The following C13orf42 variants were observed in gnomAD, a reference collection of about 807,000 sequenced individuals.
C13orf42 encodes the protein chromosome 13 open reading frame 42, also known as uncharacterized protein C13orf42.
intron 1 of C13orf42, among the ~76,000 whole-genome samples, chr13:51,106,786 C>T (rs1394945946): frequency 6.6e-6 from 1 of 152,300 alleles, no homozygotes; most frequent in South Asian, 2.1e-4. Context: ...TGACAAGACA[C>T]ACTTCAAACA....
At chr13:51,156,066 G>A (rs989339185) in intron 1 of C13orf42, among the ~76,000 whole-genome samples, 11 of 152,140 alleles carry the variant, frequency 7.2e-5, no homozygotes, top group Non-Finnish European at 1.6e-4. Context: ...CGGGTGGCAG[G>A]AGAGATCTGG....
At chr13:51,088,705 T>A (rs1424230165) in intron 1 of C13orf42, among the ~76,000 whole-genome samples, 6 of 152,224 alleles carry the variant, frequency 3.9e-5, no homozygotes, top group East Asian at 3.9e-4. Flanking sequence ...AAAATAAAAA[T>A]TTTTTTAAAT....
intron 1 of C13orf42, among the ~76,000 whole-genome samples, chr13:51,153,281 C>T (rs576874741): frequency 6.6e-6 from 1 of 152,162 alleles, no homozygotes; most frequent in South Asian, 2.1e-4. Context: ...AACCACTGCC[C>T]CCTTTTCCTG....
intron 1 of C13orf42, among the ~76,000 whole-genome samples, chr13:51,169,373 C>G (rs1953927322): frequency 6.6e-6 from 1 of 152,154 alleles, no homozygotes; most frequent in African/African-American, 2.4e-5. Context: ...AAACTGGAAG[C>G]AGAGTGTAAA....
chr13:51,084,479 C>T (rs1953100771), intron 3 of C13orf42, among the ~76,000 whole-genome samples, 154 bp from the exon 4 acceptor site: 1 of 152,204 alleles, frequency 6.6e-6, no homozygotes, highest in South Asian at 2.1e-4. Context: ...GCCATGGGGG[C>T]CATGGGTGGA....
chr13:51,122,252 G>T (rs1022217717), intron 1 of C13orf42, among the ~76,000 whole-genome samples: 4 of 151,520 alleles, frequency 2.6e-5, no homozygotes, highest in African/African-American at 9.7e-5. Flanking sequence ...GAAAGCATTG[G>T]GCTGGGCACA....
rs185570123 is a variant in C13orf42 at position 51,128,826 on chromosome 13, G to A, written n.137-15604C>T. ...ATAGTCACAAACCTTTTGGAAGGCCGAAAGGTTACATAGCTTGTAATAACT... is the reference window on the plus strand; with the variant it reads ...ATAGTCACAAACCTTTTGGAAGGCCAAAAGGTTACATAGCTTGTAATAACT... On this transcript the variant is annotated intron_variant and non_coding_transcript_variant, in intron 1 of 4. Transcript: ENST00000433280. Among the ~76,000 whole-genome samples the A allele has an allele frequency of 1.1e-4, 16 of 152,324 alleles. 1 individual carries two copies. Among genetic ancestry groups the A allele is most frequent in the Admixed American group, 5.9e-4 (9 of 15,302 alleles).
At chr13:51,101,381 T>C (rs528356762) in intron 1 of C13orf42, among the ~76,000 whole-genome samples, 1 of 152,332 alleles carries the variant, frequency 6.6e-6, no homozygotes, top group South Asian at 2.1e-4. Context: ...TATAAGCAAA[T>C]ATAACTTTAT....
At chr13:51,101,698 CT>C (rs1242323674) in intron 1 of C13orf42, among the ~76,000 whole-genome samples, 1 of 152,182 alleles carries the variant, frequency 6.6e-6, no homozygotes, top group Non-Finnish European at 1.5e-5. Flanking sequence ...GATATAATGC[CT>C]CTGCTCAATG....
At chr13:51,097,317 A>G (rs1953245172) in intron 1 of C13orf42, among the ~76,000 whole-genome samples, 1 of 152,246 alleles carries the variant, frequency 6.6e-6, no homozygotes, top group Non-Finnish European at 1.5e-5. Context: ...TGGGTGTCTT[A>G]ATGAGGGAAT....
At chr13:51,169,585 A>G (rs1035962510) in intron 1 of C13orf42, among the ~76,000 whole-genome samples, 4 of 152,194 alleles carry the variant, frequency 2.6e-5, no homozygotes, top group African/African-American at 7.2e-5. Context: ...GCCCACAAGG[A>G]AAGAATAGTT....
At position 51,088,158 on chromosome 13, in the gene C13orf42, G is replaced by A. The variant is rs909666182; in HGVS notation, c.415-83C>T. Reference sequence around the variant, plus strand: ...GAAAAGGGTGAAATGTTGCTAAAACGAAATGCGCGTGGGGTTAGGGATTTG... The same window carrying A: ...GAAAAGGGTGAAATGTTGCTAAAACAAAATGCGCGTGGGGTTAGGGATTTG... On this transcript the variant is annotated intron_variant, in intron 1 of 3. Transcript: ENST00000563710. The A allele has an allele frequency of 6.3e-5, 25 of 397,112 alleles. No individual in the cohort carries two copies. The East Asian group carries it at 6.8e-4, about 11-fold the overall frequency. The allele number at this position is 397,112 out of a possible 1,614,324, so 24.6% of individuals were successfully genotyped here. A position where few individuals can be genotyped will look rare whatever the true frequency, so the allele number is the denominator to read the frequency against.
chr13:51,152,077 C>T (rs1410640465), intron 1 of C13orf42, among the ~76,000 whole-genome samples: 2 of 152,068 alleles, frequency 1.3e-5, no homozygotes, highest in Non-Finnish European at 2.9e-5. Context: ...AATCACTGCC[C>T]CAAATAACAA....
chr13:51,156,311 G>C lies in C13orf42; in HGVS notation n.136+15942C>G, dbSNP rs555263143. 2.6e-4 allele frequency among the ~76,000 whole-genome samples: 40 copies of C among 152,260 alleles called. No individual in the cohort carries two copies. The South Asian group carries it at 4.2e-3, about 16-fold the overall frequency. ...GCCTGTGTCATTCAACAGAGTAATCGGTAACACATGTATAGCTCTTACTAT... is the reference window on the plus strand; with the variant it reads ...GCCTGTGTCATTCAACAGAGTAATCCGTAACACATGTATAGCTCTTACTAT... On this transcript the variant is annotated intron_variant and non_coding_transcript_variant, in intron 1 of 4. Transcript: ENST00000433280.
chr13:51,161,957 TCTCTGGTTAC>T (rs920324655), intron 1 of C13orf42: 7 of 470,832 alleles, frequency 1.5e-5, no homozygotes, highest in African/African-American at 1.2e-4. Flanking sequence ...GTTGTATTCA[TCTCTGGTTAC>T]CTCCACTTGG....
chr13:51,113,785 C>G (rs1218006215), upstream of C13orf42, among the ~76,000 whole-genome samples: 1 of 152,130 alleles, frequency 6.6e-6, no homozygotes, highest in Non-Finnish European at 1.5e-5. Context: ...AATCAGTCCC[C>G]CCAGGCTTGA....
intron 1 of C13orf42, among the ~76,000 whole-genome samples, chr13:51,091,110 CT>C (rs1274356713): frequency 2.6e-5 from 4 of 152,216 alleles, no homozygotes; most frequent in Non-Finnish European, 5.9e-5. Flanking sequence ...CAGGATCACT[CT>C]GAAACACTGA....
intron 1 of C13orf42, among the ~76,000 whole-genome samples, chr13:51,171,374 G>A (rs911268090): frequency 1.3e-5 from 2 of 152,176 alleles, no homozygotes; most frequent in Middle Eastern, 6.8e-3. Context: ...CTGACGTCCA[G>A]GCATTCTTTT....
chr13:51,124,210 C>A (rs960877458), intron 1 of C13orf42, among the ~76,000 whole-genome samples: 2 of 152,164 alleles, frequency 1.3e-5, no homozygotes, highest in African/African-American at 4.8e-5. Flanking sequence ...AATTTCATCC[C>A]CGGGCCAACC....
Sources: gnomAD v4.1 joint callset for allele counts (sites outside exome capture counted in the v4.1 genomes callset) on GRCh38, gnomAD v4.1.1 for gene constraint, MANE v1.5 for transcripts, NCBI Gene and HGNC (gene_info 2026-07-23, HGNC 2026-07-21) for gene names.